Variants in OSBPL1A observed in about 807,000 individuals in gnomAD.
OSBPL1A encodes oxysterol-binding protein-related protein 1.
A neutral mutation model predicts 137.1 loss-of-function variants in OSBPL1A; 80 were observed. That is an observed-to-expected ratio of 0.58 (90% CI 0.49 to 0.70). The LOEUF (loss-of-function observed/expected upper bound fraction) is 0.70, where lower values mean the gene tolerates loss of function less well. Ranked by LOEUF, OSBPL1A falls within the 30% of genes least tolerant of loss-of-function variation. The pLI is 0.00. For missense variants in OSBPL1A, 970 were observed against 1,129.4 expected (o/e 0.86, Z 2.02); for synonymous variants, 365 against 389.7 (o/e 0.94, Z 0.75).
intron 16 of OSBPL1A, 124 bp downstream of exon 16, chr18:24,239,096 T>C (rs774990649): frequency 1.0e-5 from 12 of 1,145,412 alleles, no homozygotes; most frequent in Non-Finnish European, 1.5e-5. Flanking sequence ...TACATCGCTA[T>C]CTGTTTATTC....
chr18:24,270,908 G>A (rs1001445701), intron 15 of OSBPL1A, among the ~76,000 whole-genome samples: 7 of 152,076 alleles, frequency 4.6e-5, no homozygotes, highest in African/African-American at 1.7e-4. Context: ...GCTGTACTAA[G>A]CTCTTCTCTG....
intron 12 of OSBPL1A, 78 bp from the exon 13 acceptor site, chr18:24,312,184 G>C: frequency 6.5e-7 from 1 of 1,533,704 alleles, no homozygotes; most frequent in South Asian, 1.2e-5. Context: ...GATCTGATAA[G>C]CATAAAATTT....
chr18:24,325,906 T>C (rs2146132706), intron 7 of OSBPL1A, among the ~76,000 whole-genome samples: 1 of 152,352 alleles, frequency 6.6e-6, no homozygotes, highest in South Asian at 2.1e-4. Flanking sequence ...ATATCCTTGC[T>C]TTTATTTTTT....
At position 24,267,727 on chromosome 18, in the gene OSBPL1A, C is replaced by G. The variant is rs1362344026; in HGVS notation, c.1281+13115G>C. Among the ~76,000 whole-genome samples, 3 of 151,966 alleles carry G rather than the reference C, an allele frequency of 2.0e-5. No individual in the cohort carries two copies. The East Asian group carries it at 5.8e-4, about 29-fold the overall frequency. ...AAAGAACATCTGATAAAACTCAACA[C>G]CCTTTAATGATAAAAAAAATTTTCA... On this transcript the variant is annotated intron_variant, in intron 15 of 27. Coordinates refer to ENST00000319481, the MANE Select transcript of OSBPL1A (RefSeq NM_080597.4).
At chr18:24,367,697 T>A (rs1339370220) in intron 3 of OSBPL1A, 1 of 151,308 alleles carries the variant, frequency 6.6e-6, no homozygotes, top group Non-Finnish European at 1.5e-5. Context: ...TTAGAAGCAG[T>A]CATATTGAAA....
intron 12 of OSBPL1A, among the ~76,000 whole-genome samples, chr18:24,312,929 G>T (rs1222080344): frequency 6.7e-6 from 1 of 148,230 alleles, no homozygotes; most frequent in Non-Finnish European, 1.5e-5. Context: ...TTCGAGACCA[G>T]CCTGGCCAAC....
intron 21 of OSBPL1A, among the ~76,000 whole-genome samples, chr18:24,177,102 C>T (rs1181321380): frequency 6.6e-6 from 1 of 152,146 alleles, no homozygotes; most frequent in African/African-American, 2.4e-5. Flanking sequence ...CCAGGGGTTC[C>T]TTTACTCAGT....
chr18:24,394,833 T>C (rs1907624338), intron 1 of OSBPL1A, among the ~76,000 whole-genome samples: 2 of 144,776 alleles, frequency 1.4e-5, no homozygotes, highest in African/African-American at 2.5e-5. Context: ...GCTTTCACTA[T>C]ACAGTAATTT....
At chr18:24,263,766 G>C (rs1599584069) in intron 15 of OSBPL1A, among the ~76,000 whole-genome samples, 1 of 152,114 alleles carries the variant, frequency 6.6e-6, no homozygotes, top group African/African-American at 2.4e-5. Flanking sequence ...CTCCCGAGTA[G>C]CTGGGATTAC....
chr18:24,184,210 A>T lies in OSBPL1A; in HGVS notation c.1678-2931T>A, dbSNP rs527893583. Among the ~76,000 whole-genome samples, 73 of 151,390 alleles carry T rather than the reference A, an allele frequency of 4.8e-4. 1 individual carries two copies. The highest frequency in any genetic ancestry group is 1.5e-3 in the African/African-American group (64 of 41,478). ...CAAGAGCATGCTCATTTAATTAATT[A>T]ATTTATTTTTTTAGATACTACCAAG... On this transcript the variant is annotated intron_variant, in intron 18 of 27. Coordinates refer to ENST00000319481, the MANE Select transcript of OSBPL1A (RefSeq NM_080597.4).
At chr18:24,234,525 A>G (rs1353541510) in intron 16 of OSBPL1A, among the ~76,000 whole-genome samples, 2 of 152,066 alleles carry the variant, frequency 1.3e-5, no homozygotes, top group African/African-American at 2.4e-5. Context: ...AAGCGATCCC[A>G]GGGGGGACGC....
chr18:24,320,037 C>T (rs553116339), intron 7 of OSBPL1A, among the ~76,000 whole-genome samples: 3 of 151,712 alleles, frequency 2.0e-5, no homozygotes, highest in South Asian at 4.2e-4. Flanking sequence ...GCCTACAGTC[C>T]CAGCTACCAC....
chr18:24,182,734 T>C (rs1042103494), intron 18 of OSBPL1A, among the ~76,000 whole-genome samples: 2 of 152,066 alleles, frequency 1.3e-5, no homozygotes, highest in Admixed American at 6.6e-5. Context: ...GGAATGTATA[T>C]AGAGAAATAA....
In OSBPL1A at chr18:24,179,757, C is replaced by T. The variant is rs751512261; in HGVS notation, c.1891G>A (p.Glu631Lys). The change falls in exon 20 of 28, where the codon GAG (glutamate) becomes AAG (lysine). Residue 631 changes from glutamate to lysine, a missense_variant. By Grantham distance (56) the Glu-to-Lys change is moderately conservative. Around this residue, in one of 2 missense-constraint regions of OSBPL1A, gnomAD observed 323 missense variants for 456.8 expected, o/e 0.71. Coordinates refer to ENST00000319481, the MANE Select transcript of OSBPL1A (RefSeq NM_080597.4). ...CCTCACCGCACTAATTCATAAGTCT[C>T]TCCCAGCAGTGGGTTGAAAGGTTTT... ...TGKPFNPLLG[E>K]TYELVRDDLG... 1 of 1,614,154 alleles carries T rather than the reference C, an allele frequency of 6.2e-7. No homozygotes were observed. Among genetic ancestry groups the T allele is most frequent in the Non-Finnish European group, 8.5e-7 (1 of 1,179,998 alleles).
chr18:24,196,927 C>T (rs749458297), intron 17 of OSBPL1A, among the ~76,000 whole-genome samples: 2 of 152,222 alleles, frequency 1.3e-5, no homozygotes, highest in Non-Finnish European at 2.9e-5. Context: ...ATAAGCAGCA[C>T]ATCAGAGTCA....
At chr18:24,219,240 C>G (rs1400875642) in intron 17 of OSBPL1A, among the ~76,000 whole-genome samples, 2 of 152,086 alleles carry the variant, frequency 1.3e-5, no homozygotes, top group Non-Finnish European at 2.9e-5. Flanking sequence ...CTGCAGTAAG[C>G]TATAATCACA....
intron 13 of OSBPL1A, among the ~76,000 whole-genome samples, chr18:24,308,218 T>C (rs1007293633): frequency 6.7e-5 from 10 of 149,530 alleles, no homozygotes; most frequent in Non-Finnish European, 1.3e-4. Context: ...TGGGCTCAGG[T>C]GATCCTCCCA....
chr18:24,169,408 G>A (rs2086219207), intron 24 of OSBPL1A, among the ~76,000 whole-genome samples: 1 of 152,194 alleles, frequency 6.6e-6, no homozygotes, highest in African/African-American at 2.4e-5. Flanking sequence ...CATTTCTAAT[G>A]AGCTCGCAGA....
intron 18 of OSBPL1A, among the ~76,000 whole-genome samples, chr18:24,191,782 GAA>G (rs1567933832): frequency 1.3e-5 from 2 of 152,216 alleles, no homozygotes; most frequent in Admixed American, 6.5e-5. Context: ...GATGATAGCT[GAA>G]GGTATGCACA....
Sources: allele counts gnomAD v4.1 joint callset (sites outside exome capture counted in the v4.1 genomes callset), GRCh38; gene constraint gnomAD v4.1.1; regional missense constraint gnomAD v4.1.1; transcripts MANE v1.5; gene names NCBI Gene and HGNC (gene_info 2026-07-23, HGNC 2026-07-21).